Variants in EVC2 observed in about 807,000 individuals in gnomAD.
The protein encoded by EVC2 is limbin.
In EVC2, 148 loss-of-function variants were observed where a neutral mutation model predicts 149.3. The ratio of observed to expected loss-of-function variants is 0.99; its 90% CI spans 0.87 to 1.14. The LOEUF (loss-of-function observed/expected upper bound fraction) is 1.14. EVC2 is among the 50% of genes most tolerant of loss of function. The probability of loss-of-function intolerance (pLI) is 0.00; values close to 1 mark genes in which losing one functional copy is unlikely to be tolerated. For missense variants in EVC2, 1,854 were observed against 1,627.3 expected (o/e 1.14, Z -2.40); for synonymous variants, 776 against 649.9 (o/e 1.19, Z -2.95).
At chr4:5,644,649 T>C (rs1717581779) in intron 9 of EVC2, among the ~76,000 whole-genome samples, 1 of 152,328 alleles carries the variant, frequency 6.6e-6, no homozygotes, top group Middle Eastern at 3.4e-3. Context: ...AAATATCTTT[T>C]ATTTATATTC....
intron 10 of EVC2, among the ~76,000 whole-genome samples, chr4:5,634,924 C>T (rs1317269516): frequency 6.6e-6 from 1 of 151,732 alleles, no homozygotes; most frequent in Non-Finnish European, 1.5e-5. Flanking sequence ...CCAAAGGGCT[C>T]TGCAGGAATA....
chr4:5,585,797 T>C (rs1330191162), intron 16 of EVC2, among the ~76,000 whole-genome samples: 1 of 152,104 alleles, frequency 6.6e-6, no homozygotes, highest in Non-Finnish European at 1.5e-5. Context: ...CAAGTCTGCA[T>C]TTTCTAGAGT....
chr4:5,644,341 T>G (rs1717554432), intron 9 of EVC2, among the ~76,000 whole-genome samples: 1 of 152,194 alleles, frequency 6.6e-6, no homozygotes, highest in African/African-American at 2.4e-5. Flanking sequence ...AGTTTCACTC[T>G]GTTGCCAGGC....
At chr4:5,577,028 A>C (rs1008543481) in intron 17 of EVC2, among the ~76,000 whole-genome samples, 10 of 152,220 alleles carry the variant, frequency 6.6e-5, no homozygotes, top group East Asian at 1.9e-4. Context: ...ACTATGGCTA[A>C]CACCACCAGT....
chr4:5,673,739 A>G (rs567447470), intron 7 of EVC2, among the ~76,000 whole-genome samples: 1 of 152,372 alleles, frequency 6.6e-6, no homozygotes, highest in South Asian at 2.1e-4. Context: ...TTAAATGCTC[A>G]GAATCCAACA....
intron 19 of EVC2, 74 bp from the exon 20 acceptor site, chr4:5,568,714 T>G: frequency 6.9e-7 from 1 of 1,447,958 alleles, no homozygotes; most frequent in East Asian, 2.3e-5. Flanking sequence ...ATTTATCACA[T>G]TCTGAGGACA....
At chr4:5,529,409 C>T in the EVC2 span, among the ~76,000 whole-genome samples, 45 of 152,302 alleles carry the variant, frequency 3.0e-4, no homozygotes, top group East Asian at 4.6e-3. The surrounding 1 kb of genome is among the most constrained non-coding windows in gnomAD (Gnocchi z 4.5). Flanking sequence ...TAATTCAATT[C>T]GCTTTTTACC....
rs1720726900 is a variant in EVC2 at position 5,686,565 on chromosome 4, C to T, written c.707-1086G>A. The stretch of plus-strand genomic sequence containing the variant: ...ATGGAGAACACGTGATTTTCTGCAA[C>T]ATACAGAAGAAGAAACTGAAACTGA... On this transcript the variant is annotated intron_variant, in intron 5 of 21. Transcript: ENST00000344408. The surrounding 1 kb of genome is among the most constrained non-coding windows in gnomAD (Gnocchi z 5.4). Among the ~76,000 whole-genome samples the T allele has an allele frequency of 6.6e-6, 1 of 152,130 alleles. No individual in the cohort carries two copies.
chr4:5,594,400 G>C (rs1019117393), intron 16 of EVC2, among the ~76,000 whole-genome samples: 3 of 152,196 alleles, frequency 2.0e-5, no homozygotes, highest in Non-Finnish European at 4.4e-5. Context: ...TCAGACAGCA[G>C]CATTCGCGGT....
intron 16 of EVC2, among the ~76,000 whole-genome samples, 182 bp downstream of exon 16, chr4:5,615,240 G>A (rs888591122): frequency 6.6e-6 from 1 of 152,170 alleles, no homozygotes. Flanking sequence ...AGAATGCACA[G>A]GGGAAAGGCC....
At chr4:5,617,895 C>T (rs1210704247) in intron 15 of EVC2, among the ~76,000 whole-genome samples, 1 of 152,204 alleles carries the variant, frequency 6.6e-6, no homozygotes, top group African/African-American at 2.4e-5. Flanking sequence ...CCAAGCAAGG[C>T]TGTGGTCTCA....
At chr4:5,620,325 A>T (rs1715599776) in intron 14 of EVC2, among the ~76,000 whole-genome samples, 1 of 152,122 alleles carries the variant, frequency 6.6e-6, no homozygotes, top group Non-Finnish European at 1.5e-5. Flanking sequence ...GGCCCTGAGC[A>T]CTCTTGTCTT....
chr4:5,581,708 T>C (rs781345338), intron 17 of EVC2, among the ~76,000 whole-genome samples: 15 of 151,994 alleles, frequency 9.9e-5, no homozygotes, highest in Non-Finnish European at 1.3e-4. Context: ...CAGCCCACCA[T>C]AGCCAAGAGA....
intron 10 of EVC2, among the ~76,000 whole-genome samples, chr4:5,639,534 T>A (rs547665792): frequency 1.4e-3 from 214 of 152,316 alleles, no homozygotes; most frequent in African/African-American, 4.9e-3. Flanking sequence ...AGGCAGCTGC[T>A]TTTCCTACAT....
rs1467464378 is a variant in EVC2 at position 5,686,688 on chromosome 4, TA to T, written c.707-1210del. ...TTTCCCCAAACAACACTGGCTCTAA[TA>T]AAAGAAAAGCACCAAATAATAATGA... is the stretch of plus-strand genomic sequence containing the variant. On this transcript the variant is annotated intron_variant, in intron 5 of 21. Transcript: ENST00000344408. This position sits in a 1 kb window ranked among gnomAD's most constrained non-coding sequence, Gnocchi z 5.4. Among the ~76,000 whole-genome samples, 3 of 151,734 alleles carry T rather than the reference TA, an allele frequency of 2.0e-5. No homozygotes were observed. Among genetic ancestry groups the T allele is most frequent in the African/African-American group, 7.3e-5 (3 of 41,254 alleles).
chr4:5,639,073 C>T (rs1303370794), intron 10 of EVC2, among the ~76,000 whole-genome samples: 1 of 152,116 alleles, frequency 6.6e-6, no homozygotes, highest in Non-Finnish European at 1.5e-5. Context: ...GCAGGCAGGA[C>T]AGCGAGGACC....
intron 9 of EVC2, among the ~76,000 whole-genome samples, chr4:5,661,631 A>G (rs1718880145): frequency 6.6e-6 from 1 of 152,368 alleles, no homozygotes; most frequent in Admixed American, 6.5e-5. Context: ...AAGAAAACAT[A>G]AAGAAGTCAT....
rs1195932614 is a variant in EVC2 at position 5,622,764 on chromosome 4, G to A, written c.2274C>T (p.Ala758=). ...CACGCTTGAGCAGCTCCTGGGTCAT[G>A]GCTGAGTTCTGCAGGCGCCGCAGCT... ...TDELRRLQNS[A]MTQELLKRGV... is the part of the protein sequence containing the mutation. The change falls in exon 14 of 22, where the codon GCC becomes GCT. Residue 758 remains alanine, a synonymous_variant. Transcript: ENST00000344408. The surrounding 1 kb of genome is among the most constrained non-coding windows in gnomAD (Gnocchi z 5.8). 1.2e-6 allele frequency: 2 copies of A among 1,613,996 alleles called. No individual in the cohort carries two copies. The highest frequency in any genetic ancestry group is 2.7e-5 in the African/African-American group (2 of 74,898).
At chr4:5,653,319 C>A (rs1718275168) in intron 9 of EVC2, among the ~76,000 whole-genome samples, 1 of 152,224 alleles carries the variant, frequency 6.6e-6, no homozygotes, top group Non-Finnish European at 1.5e-5. Context: ...CCTGAAGGGA[C>A]TGCAGTCCCT....
Sources: allele counts gnomAD v4.1 joint callset (sites outside exome capture counted in the v4.1 genomes callset), GRCh38; gene constraint gnomAD v4.1.1; non-coding constraint Gnocchi (gnomAD v3.1); transcripts MANE v1.5; gene names NCBI Gene and HGNC (gene_info 2026-07-23, HGNC 2026-07-21).